RGS7: variants seen among roughly 807,000 people sequenced by gnomAD.
RGS7 encodes the protein regulator of G-protein signaling 7.
In RGS7, 27 loss-of-function variants were observed where a neutral mutation model predicts 81.1. The ratio of observed to expected loss-of-function variants is 0.33; its 90% CI spans 0.25 to 0.46. RGS7 has a LOEUF of 0.46. Among genes scored for constraint, RGS7 ranks in the 20% least tolerant of loss-of-function variants. The pLI is 1.00. For missense variants in RGS7, 396 were observed against 607.4 expected, an observed-to-expected ratio of 0.65 and a Z score of 3.66; for synonymous variants, 208 against 207.7, an observed-to-expected ratio of 1.00 and a Z score of -0.01.
intron 9 of RGS7, among the ~76,000 whole-genome samples, chr1:240,839,849 G>A (rs1214529183): frequency 6.6e-6 from 1 of 152,048 alleles, no homozygotes; most frequent in East Asian, 1.9e-4. Context: ...TTCTTTTCTT[G>A]GTTTTCTGCC....
chr1:241,241,551 CCTT>C (rs1217719787), intron 2 of RGS7, among the ~76,000 whole-genome samples: 5 of 152,072 alleles, frequency 3.3e-5, no homozygotes, highest in Non-Finnish European at 7.4e-5. Flanking sequence ...TTGACCTTCA[CCTT>C]CTGCCTCCTG....
chr1:241,027,178 G>C (rs1046611604), intron 3 of RGS7, among the ~76,000 whole-genome samples: 1 of 151,810 alleles, frequency 6.6e-6, no homozygotes, highest in East Asian at 1.9e-4. Context: ...ACTCCAGCCT[G>C]GGTGGCAGAA....
At chr1:241,342,045 T>C (rs987157046) in intron 2 of RGS7, among the ~76,000 whole-genome samples, 2 of 151,868 alleles carry the variant, frequency 1.3e-5, no homozygotes, top group African/African-American at 4.8e-5. Flanking sequence ...TGTCTAATTT[T>C]GTATTTTTAG....
Position 241,352,380 on chromosome 1 carries a change from TG to T in RGS7, c.78+3318del, listed in dbSNP as rs373433157. Among the ~76,000 whole-genome samples the T allele has an allele frequency of 6.4e-3, 980 of 152,348 alleles. 16 individuals are homozygous for T. The highest frequency in any genetic ancestry group is 0.022 in the African/African-American group (935 of 41,580). On this transcript the variant is annotated intron_variant, in intron 2 of 18. Transcript: ENST00000440928. ...AGCAGTCAAGCCTCATAATTTTATG[TG>T]TTTTTAAACAAGACACCCTCAAGTA...
chr1:240,802,600 T>C (rs372847584), intron 16 of RGS7, among the ~76,000 whole-genome samples: 4 of 152,280 alleles, frequency 2.6e-5, no homozygotes, highest in South Asian at 4.1e-4. Flanking sequence ...CTTTTCTTTA[T>C]TGTAATTTTG....
At chr1:240,991,134 A>G (rs1686399575) in intron 3 of RGS7, among the ~76,000 whole-genome samples, 1 of 152,228 alleles carries the variant, frequency 6.6e-6, no homozygotes. Flanking sequence ...TACAATGAAA[A>G]CAAATTAGAG....
chr1:241,097,882 A>C (rs1473869235), intron 3 of RGS7, among the ~76,000 whole-genome samples: 4 of 152,126 alleles, frequency 2.6e-5, no homozygotes, highest in Admixed American at 6.5e-5. Flanking sequence ...TAAAACACCA[A>C]CAACAAAAAA....
intron 3 of RGS7, among the ~76,000 whole-genome samples, chr1:241,075,406 T>C (rs1178718742): frequency 6.6e-6 from 1 of 152,114 alleles, no homozygotes; most frequent in East Asian, 1.9e-4. Context: ...TAACCCCCTT[T>C]TGACGAGGAG....
At chr1:241,202,055 C>T (rs1249394565) in intron 2 of RGS7, among the ~76,000 whole-genome samples, 1 of 148,922 alleles carries the variant, frequency 6.7e-6, no homozygotes, top group African/African-American at 2.4e-5. Context: ...CACAGAGACA[C>T]CCTAATTGGG....
At chr1:240,887,254 A>C (rs1320190279) in intron 6 of RGS7, among the ~76,000 whole-genome samples, 1 of 54,674 alleles carries the variant, frequency 1.8e-5, no homozygotes, top group African/African-American at 8.0e-5. Context: ...TTTGAGATGG[A>C]GTCTTGCTCT....
chr1:241,264,041 T>C (rs968161373), intron 2 of RGS7, among the ~76,000 whole-genome samples: 30 of 152,334 alleles, frequency 2.0e-4, no homozygotes, highest in African/African-American at 7.0e-4. Flanking sequence ...TGTTGCTTAA[T>C]AGTAACCACC....
intron 2 of RGS7, among the ~76,000 whole-genome samples, chr1:241,186,250 C>T (rs917694731): frequency 6.6e-6 from 1 of 152,088 alleles, no homozygotes; most frequent in Non-Finnish European, 1.5e-5. Flanking sequence ...CAAAAACCTG[C>T]TTATGAAAGT....
intron 3 of RGS7, among the ~76,000 whole-genome samples, chr1:241,086,104 C>A (rs570921624): frequency 1.3e-5 from 2 of 152,300 alleles, no homozygotes; most frequent in East Asian, 3.9e-4. Flanking sequence ...ACAACTCCAA[C>A]AGGTATCTCA....
At chr1:240,948,993 C>A (rs1184971563) in intron 4 of RGS7, among the ~76,000 whole-genome samples, 1 of 151,986 alleles carries the variant, frequency 6.6e-6, no homozygotes, top group Non-Finnish European at 1.5e-5. Context: ...TTTGACTTAA[C>A]TGGAGTTATA....
At chr1:240,872,608 G>C (rs1342998111) in intron 6 of RGS7, among the ~76,000 whole-genome samples, 5 of 152,214 alleles carry the variant, frequency 3.3e-5, no homozygotes, top group Non-Finnish European at 5.9e-5. Context: ...TCCAGACACA[G>C]TTGCTGTATG....
At chr1:241,264,916 G>A (rs2077506128) in intron 2 of RGS7, among the ~76,000 whole-genome samples, 1 of 152,170 alleles carries the variant, frequency 6.6e-6, no homozygotes, top group Non-Finnish European at 1.5e-5. Flanking sequence ...TCCTCCAGCG[G>A]CCTAACTGCA....
At chr1:241,088,864 A>T (rs1265047568) in intron 3 of RGS7, among the ~76,000 whole-genome samples, 2 of 151,022 alleles carry the variant, frequency 1.3e-5, no homozygotes, top group Non-Finnish European at 3.0e-5. Flanking sequence ...ACAAAAAATT[A>T]GCCGGGCGTG....
intron 2 of RGS7, among the ~76,000 whole-genome samples, chr1:241,269,691 G>A (rs549510370): frequency 2.6e-5 from 4 of 152,318 alleles, no homozygotes; most frequent in South Asian, 2.1e-4. Context: ...TGATTCCACT[G>A]ATGAGTGGGC....
chr1:240,942,713 T>C (rs1677810059), intron 4 of RGS7, among the ~76,000 whole-genome samples: 1 of 152,164 alleles, frequency 6.6e-6, no homozygotes, highest in Admixed American at 6.5e-5. Context: ...CAGGTATTCA[T>C]CAGGACAATT....
Sources: gnomAD v4.1 joint callset for allele counts (sites outside exome capture counted in the v4.1 genomes callset) on GRCh38, gnomAD v4.1.1 for gene constraint, MANE v1.5 for transcripts, NCBI Gene and HGNC (gene_info 2026-07-23, HGNC 2026-07-21) for gene names.